KCNMA1: variants seen among roughly 807,000 people sequenced by gnomAD.
The protein encoded by KCNMA1 is Calcium-activated potassium channel subunit alpha-1.
KCNMA1 carries 29 observed loss-of-function variants against 140.0 expected under a neutral mutation model. The observed-to-expected ratio is 0.21, with a 90% CI of 0.15 to 0.28. The LOEUF is 0.28. Among genes scored for constraint, KCNMA1 ranks in the 10% least tolerant of loss-of-function variants. The pLI, the probability that KCNMA1 is intolerant of heterozygous loss-of-function variation, is 1.00. For synonymous variants in KCNMA1, 612 were observed against 611.9 expected (o/e 1.00, Z 0.00); for missense variants, 880 against 1,602.2 (o/e 0.55, Z 7.70).
intron 1 of KCNMA1, among the ~76,000 whole-genome samples, chr10:77,451,031 A>C (rs1340219833): frequency 6.6e-6 from 1 of 152,160 alleles, no homozygotes; most frequent in Non-Finnish European, 1.5e-5. Context: ...TTCTGCCATG[A>C]TTGTGAGGCT....
chr10:76,885,845 A>T lies in KCNMA1; in HGVS notation c.*1421T>A. The T allele has an allele frequency of 3.0e-6, 3 of 985,210 alleles. No individual in the cohort carries two copies. The highest frequency in any genetic ancestry group is 1.1e-4 in the East Asian group (1 of 8,804). The allele number at this position is 985,210 out of a possible 1,614,324, so 61.0% of individuals were successfully genotyped here. On this transcript the variant is annotated 3_prime_UTR_variant, in exon 28 of 28. Transcript: ENST00000286628. ...ATGCTTACTAAGTGTTAAAAAAGAA[A>T]GAAAACAAAAGAAGAAAAAAATAAC... is the stretch of plus-strand genomic sequence containing the variant.
At chr10:77,071,842 G>A (rs2096226211) in intron 14 of KCNMA1, among the ~76,000 whole-genome samples, 1 of 152,154 alleles carries the variant, frequency 6.6e-6, no homozygotes, top group Non-Finnish European at 1.5e-5. Context: ...CTATCAGTTG[G>A]CTACATAATG....
At chr10:76,958,951 T>G (rs1277257193) in intron 20 of KCNMA1, among the ~76,000 whole-genome samples, 6 of 152,076 alleles carry the variant, frequency 3.9e-5, no homozygotes, top group Admixed American at 3.9e-4. Context: ...CGGCTGCCCT[T>G]CTTGAATCTT....
downstream of KCNMA1, chr10:76,875,619 C>A (rs2032239556): frequency 6.6e-6 from 1 of 152,126 alleles, no homozygotes; most frequent in African/African-American, 2.4e-5. Flanking sequence ...CAGAGGAGAC[C>A]AAATCACTCT....
intron 1 of KCNMA1, among the ~76,000 whole-genome samples, chr10:77,472,985 C>T (rs757458913): frequency 6.6e-6 from 1 of 152,204 alleles, no homozygotes; most frequent in Non-Finnish European, 1.5e-5. Flanking sequence ...CCCAAATGTG[C>T]ACTTCCCAGC....
At chr10:77,096,227 T>C (rs1440525851) in intron 9 of KCNMA1, among the ~76,000 whole-genome samples, 1 of 152,088 alleles carries the variant, frequency 6.6e-6, no homozygotes, top group East Asian at 1.9e-4. Flanking sequence ...TAACCTAAGC[T>C]GGGAATTGGG....
At chr10:77,096,777 T>C (rs2096942582) in intron 9 of KCNMA1, among the ~76,000 whole-genome samples, 1 of 152,206 alleles carries the variant, frequency 6.6e-6, no homozygotes, top group African/African-American at 2.4e-5. Context: ...CACATATTGA[T>C]CTAGATGTCT....
intron 1 of KCNMA1, among the ~76,000 whole-genome samples, chr10:77,420,576 G>A (rs1005144052): frequency 3.9e-5 from 6 of 152,110 alleles, no homozygotes; most frequent in African/African-American, 1.4e-4. Flanking sequence ...TCAGTCTCCC[G>A]GCTAAGAACC....
At chr10:77,288,417 A>G (rs1364297440) in intron 2 of KCNMA1, among the ~76,000 whole-genome samples, 1 of 152,212 alleles carries the variant, frequency 6.6e-6, no homozygotes, top group African/African-American at 2.4e-5. Context: ...AGCAGTTCTC[A>G]ATCTGAATGT....
intron 14 of KCNMA1, among the ~76,000 whole-genome samples, chr10:77,056,954 C>T (rs1162088950): frequency 6.6e-6 from 1 of 152,028 alleles, no homozygotes; most frequent in East Asian, 1.9e-4. Context: ...TTAGCATTTG[C>T]ATCATAGGAA....
chr10:77,587,953 G>C (rs1288405976), intron 1 of KCNMA1: 1 of 709,936 alleles, frequency 1.4e-6, no homozygotes, highest in Non-Finnish European at 1.7e-6. Context: ...CACAGAAAGA[G>C]AAATAATACT....
Position 77,317,677 on chromosome 10 carries a change from C to T in KCNMA1, c.541-66421G>A, listed in dbSNP as rs530191374. On this transcript the variant is annotated intron_variant, in intron 2 of 27. Transcript: ENST00000286628. ...AGCAGCCCACTGCACTGGCTTTCTG[C>T]TAACAGCCGATGGCAGGGAGAGGAT... Among the ~76,000 whole-genome samples the T allele has an allele frequency of 9.5e-4, 145 of 152,368 alleles. 2 individuals carry two copies. In the South Asian group the frequency reaches 0.028, roughly 30 times the overall value.
intron 5 of KCNMA1, among the ~76,000 whole-genome samples, chr10:77,163,507 C>T (rs2098596103): frequency 6.6e-6 from 1 of 152,314 alleles, no homozygotes; most frequent in Non-Finnish European, 1.5e-5. Flanking sequence ...TGGCTATTTA[C>T]TGAGTATCTC....
At chr10:76,899,837 G>GCACA (rs2044302049) in intron 25 of KCNMA1, among the ~76,000 whole-genome samples, 1 of 151,984 alleles carries the variant, frequency 6.6e-6, no homozygotes, top group Non-Finnish European at 1.5e-5. Flanking sequence ...TGAATATTGT[G>GCACA]CTTTCAGATA....
chr10:77,196,248 T>C (rs570395184), intron 3 of KCNMA1, among the ~76,000 whole-genome samples: 4 of 152,300 alleles, frequency 2.6e-5, no homozygotes, highest in African/African-American at 9.6e-5. Context: ...GTATCCCCAC[T>C]TTCTGTTGGG....
At chr10:77,464,302 A>G (rs917778506) in intron 1 of KCNMA1, among the ~76,000 whole-genome samples, 1 of 152,138 alleles carries the variant, frequency 6.6e-6, no homozygotes, top group African/African-American at 2.4e-5. Flanking sequence ...GGGCCTTTAC[A>G]GAAAAACGTT....
intron 3 of KCNMA1, among the ~76,000 whole-genome samples, chr10:77,185,645 C>G (rs927861734): frequency 6.9e-6 from 1 of 143,978 alleles, no homozygotes; most frequent in Non-Finnish European, 1.5e-5. Flanking sequence ...GTGTGTGTGT[C>G]GAGCAGCCAA....
chr10:77,533,098 C>A (rs139044212), intron 1 of KCNMA1, among the ~76,000 whole-genome samples: 2 of 152,302 alleles, frequency 1.3e-5, no homozygotes, highest in African/African-American at 4.8e-5. Flanking sequence ...AGAGTGAATG[C>A]ATATGTATTT....
In KCNMA1 at chr10:77,000,857, AATATATATATAT is replaced by A. The variant is rs56359933; in HGVS notation, c.2266+538_2266+549del. Among the ~76,000 whole-genome samples the A allele has an allele frequency of 2.3e-3, 83 of 36,660 alleles. 3 individuals are homozygous for A. The highest frequency in any genetic ancestry group is 6.2e-3 in the East Asian group (6 of 974). The allele number at this position is 36,660 out of a possible 152,430, so 24.1% of individuals were successfully genotyped here. On this transcript the variant is annotated intron_variant, in intron 19 of 27. Transcript: ENST00000286628. ...GGTTAGAGAGACATAGTAAAAAGAA[AATATATATATAT>A]ATATATATATATATATATATATATA...
Sources: gnomAD v4.1 joint callset for allele counts (sites outside exome capture counted in the v4.1 genomes callset) on GRCh38, gnomAD v4.1.1 for gene constraint, MANE v1.5 for transcripts, NCBI Gene and HGNC (gene_info 2026-07-23, HGNC 2026-07-21) for gene names.